Variants in WDR33 observed in about 807,000 individuals in gnomAD.
The protein encoded by WDR33 is WD repeat domain 33, also known as pre-mRNA 3' end processing protein WDR33.
WDR33 carries 47 observed loss-of-function variants against 164.9 expected under a neutral mutation model. The ratio of observed to expected loss-of-function variants is 0.29; its 90% CI spans 0.23 to 0.36. The LOEUF (loss-of-function observed/expected upper bound fraction) is 0.36, where lower values mean the gene tolerates loss of function less well. Among genes scored for constraint, WDR33 ranks in the 10% least tolerant of loss-of-function variants. The probability of loss-of-function intolerance (pLI) is 1.00; values close to 1 mark genes in which losing one functional copy is unlikely to be tolerated. For missense variants in WDR33, 1,137 were observed against 1,754.1 expected (o/e 0.65, Z 6.28); for synonymous variants, 505 against 589.0 (o/e 0.86, Z 2.06).
At chr2:127,742,483 C>T (rs1687045278) in intron 7 of WDR33, among the ~76,000 whole-genome samples, 1 of 146,084 alleles carries the variant, frequency 6.8e-6, no homozygotes, top group African/African-American at 2.6e-5. Flanking sequence ...GCCATGATTG[C>T]ACCGCTGCAC....
intron 1 of WDR33, among the ~76,000 whole-genome samples, chr2:127,786,699 A>G (rs1280260897): frequency 6.6e-6 from 1 of 151,976 alleles, no homozygotes; most frequent in African/African-American, 2.4e-5. Flanking sequence ...ATATATATGT[A>G]TTTTTTTTAA....
Position 127,708,823 on chromosome 2 carries a change from G to T in WDR33, c.3635C>A (p.Ala1212Asp), listed in dbSNP as rs377471350. The T allele has an allele frequency of 2.5e-6, 4 of 1,612,498 alleles. No homozygotes were observed. In the African/African-American group the frequency reaches 5.3e-5, roughly 22 times the overall value. ...GAGAGAAGAGGAGCGTTCTCTGCTG[G>T]CTGGGGAATGACCGTCGTGAGGGGG... ...DHPPHDGHSP[A>D]SRERSSSLQG... is the part of the protein sequence containing the mutation. Residue 1212 changes from alanine (A) to aspartate (D), a missense_variant, in exon 21 of 22, where the codon GCC (alanine) becomes GAC (aspartate). Coordinates refer to ENST00000322313, the MANE Select transcript of WDR33 (RefSeq NM_018383.5). The surrounding 1 kb of genome is among the most constrained non-coding windows in gnomAD (Gnocchi z 6.7).
intron 1 of WDR33, among the ~76,000 whole-genome samples, chr2:127,783,972 C>T (rs369906936): frequency 7.0e-6 from 1 of 143,464 alleles, no homozygotes; most frequent in Non-Finnish European, 1.5e-5. Flanking sequence ...GTATTGGATA[C>T]TGGCCATATT....
chr2:127,781,979 G>C (rs996756013), intron 1 of WDR33, among the ~76,000 whole-genome samples: 12 of 106,278 alleles, frequency 1.1e-4, no homozygotes, highest in African/African-American at 4.5e-4. Context: ...GCCTGGGCAA[G>C]AAGAGCGAAA....
In WDR33 at chr2:127,724,068, C is replaced by G. The variant is rs1371024264; in HGVS notation, c.1196+265G>C. 7.4e-6 allele frequency among the ~76,000 whole-genome samples: 1 copy of G among 134,472 alleles called. No homozygotes were observed. Among genetic ancestry groups the G allele is most frequent in the Admixed American group, 7.1e-5 (1 of 14,008 alleles). 88.2% of individuals were successfully genotyped at this position (134,472 alleles called of 152,430 possible). A position where few individuals can be genotyped will look rare whatever the true frequency, so the allele number is the denominator to read the frequency against. On this transcript the variant is annotated intron_variant, in intron 11 of 21. Coordinates refer to ENST00000322313, the MANE Select transcript of WDR33 (RefSeq NM_018383.5). This position sits in a 1 kb window ranked among gnomAD's most constrained non-coding sequence, Gnocchi z 4.8. ...ACGCCAGCCTGGACAGAGACCCTGT[C>G]TCAAATAAATAAATAAATAAATAAA...
At chr2:127,793,612 G>T (rs1055885604) in intron 1 of WDR33, among the ~76,000 whole-genome samples, 3 of 152,028 alleles carry the variant, frequency 2.0e-5, no homozygotes, top group African/African-American at 4.8e-5. Context: ...ATGGTGGCAG[G>T]TACTTGTGGT....
rs570735715 is a variant in WDR33 at position 127,733,417 on chromosome 2, G to A, written c.725-6640C>T. 2.0e-4 allele frequency among the ~76,000 whole-genome samples: 30 copies of A among 152,254 alleles called. No homozygotes were observed. In the South Asian group the frequency reaches 6.2e-3, roughly 32 times the overall value. On this transcript the variant is annotated intron_variant, in intron 7 of 21. Transcript: ENST00000322313. ...TCAGCAGTACGACTTGGACTTGGAG[G>A]TACAATTGCAAAATTCTAAAATTAA...
chr2:127,737,146 T>C, intron 7 of WDR33: 1 of 985,444 alleles, frequency 1.0e-6, no homozygotes. Context: ...AAAGGCTACT[T>C]TGCAGAGTAT....
chr2:127,783,797 G>A (rs1300440541), intron 1 of WDR33, among the ~76,000 whole-genome samples: 1 of 151,572 alleles, frequency 6.6e-6, no homozygotes, highest in Non-Finnish European at 1.5e-5. Context: ...GTAGAGACAA[G>A]GTTTCACCAT....
intron 7 of WDR33, among the ~76,000 whole-genome samples, chr2:127,761,927 A>AAATATGGC (rs1257601352): frequency 6.6e-6 from 1 of 152,212 alleles, no homozygotes; most frequent in East Asian, 1.9e-4. Flanking sequence ...AGCAAATGTG[A>AAATATGGC]TGGAAGATAC....
intron 1 of WDR33, among the ~76,000 whole-genome samples, chr2:127,796,251 T>A (rs956465002): frequency 6.6e-6 from 1 of 151,806 alleles, no homozygotes; most frequent in Non-Finnish European, 1.5e-5. Flanking sequence ...TTTTGTATAT[T>A]TTTTTAGAGA....
At chr2:127,760,344 T>C (rs1687640704) in intron 7 of WDR33, among the ~76,000 whole-genome samples, 1 of 152,242 alleles carries the variant, frequency 6.6e-6, no homozygotes, top group South Asian at 2.1e-4. Flanking sequence ...ATCTACCTGA[T>C]GCCATAGAGT....
At position 127,705,003 on chromosome 2, in the gene WDR33, G is replaced by T; in HGVS notation, c.*1320C>A. 1 of 161,108 alleles carries T rather than the reference G, an allele frequency of 6.2e-6. No individual in the cohort carries two copies. 10.0% of individuals were successfully genotyped at this position (161,108 alleles called of 1,614,324 possible). The stretch of plus-strand genomic sequence containing the variant: ...CTAGCTACTAGGGAGGCTGAGGCAG[G>T]GTCAAAGCTGAAGTGAGCCGTGATT... On this transcript the variant is annotated 3_prime_UTR_variant, in exon 22 of 22. Transcript: ENST00000322313. The surrounding 1 kb of genome is among the most constrained non-coding windows in gnomAD (Gnocchi z 4.5).
chr2:127,763,408 T>G lies in WDR33; in HGVS notation c.627-249A>C, dbSNP rs975324267. On this transcript the variant is annotated intron_variant, in intron 6 of 21. Coordinates refer to ENST00000322313, the MANE Select transcript of WDR33 (RefSeq NM_018383.5). The surrounding 1 kb of genome is among the most constrained non-coding windows in gnomAD (Gnocchi z 4.5). ...GAGAACTTCAAGTGTGTATTATTAG[T>G]GCTAATGCTATCCATGTTCCTTCTC... 2.4e-6 allele frequency: 3 copies of G among 1,272,148 alleles called. No homozygotes were observed. The highest frequency in any genetic ancestry group is 3.0e-6 in the Non-Finnish European group (3 of 1,003,416). 78.8% of individuals were successfully genotyped at this position (1,272,148 alleles called of 1,614,324 possible).
intron 7 of WDR33, among the ~76,000 whole-genome samples, chr2:127,762,010 T>C (rs990455956): frequency 3.9e-5 from 6 of 152,122 alleles, no homozygotes; most frequent in Non-Finnish European, 1.5e-5. Flanking sequence ...ACATCAACAT[T>C]ATATGCTACA....
At chr2:127,808,791 G>A (rs1689525900) in intron 1 of WDR33, among the ~76,000 whole-genome samples, 1 of 152,106 alleles carries the variant, frequency 6.6e-6, no homozygotes, top group Non-Finnish European at 1.5e-5. Flanking sequence ...AGCACTTTGG[G>A]AGGCCGAGAT....
intron 7 of WDR33, among the ~76,000 whole-genome samples, chr2:127,729,165 T>C (rs75301812): frequency 0.014 from 2,174 of 152,338 alleles, 64 homozygotes; most frequent in African/African-American, 0.05. Context: ...CAAGCACAAA[T>C]ACTTATGTAT....
chr2:127,713,456 C>G lies in WDR33; in HGVS notation c.3308+127G>C, dbSNP rs1253477943. On this transcript the variant is annotated intron_variant, in intron 18 of 21. Transcript: ENST00000322313. This position sits in a 1 kb window ranked among gnomAD's most constrained non-coding sequence, Gnocchi z 6.2. ...TTTAAACGTCCAAATGCAAACTCTA[C>G]AGAGTGCAGGGCTGGTAATTGATAT... 6.4e-6 allele frequency: 7 copies of G among 1,092,756 alleles called. No homozygotes were observed. The African/African-American group carries it at 7.9e-5, about 12-fold the overall frequency. 67.7% of individuals were successfully genotyped at this position (1,092,756 alleles called of 1,614,324 possible).
chr2:127,755,216 C>T (rs2105422002), intron 7 of WDR33, among the ~76,000 whole-genome samples: 1 of 152,290 alleles, frequency 6.6e-6, no homozygotes, highest in South Asian at 2.1e-4. Context: ...CTTCTCAAAT[C>T]CTGAAATCTA....
Sources: allele counts gnomAD v4.1 joint callset (sites outside exome capture counted in the v4.1 genomes callset), GRCh38; gene constraint gnomAD v4.1.1; non-coding constraint Gnocchi (gnomAD v3.1); transcripts MANE v1.5; gene names NCBI Gene and HGNC (gene_info 2026-07-23, HGNC 2026-07-21).